The following PLEKHG4 variants were observed in gnomAD, a reference collection of about 807,000 sequenced individuals.
PLEKHG4 encodes pleckstrin homology and RhoGEF domain containing G4.
Under a neutral mutation model 136.9 loss-of-function variants are expected in PLEKHG4, and 85 were observed. The observed-to-expected ratio is 0.62, with a 90% CI of 0.52 to 0.74. The LOEUF (loss-of-function observed/expected upper bound fraction) is 0.74. PLEKHG4 is among the 30% of genes least tolerant of loss of function. The pLI is 0.00. For synonymous variants in PLEKHG4, 577 were observed against 646.9 expected, an observed-to-expected ratio of 0.89 and a Z score of 1.64; for missense variants, 1,317 against 1,527.8, an observed-to-expected ratio of 0.86 and a Z score of 2.30.
rs982629584 is a variant in PLEKHG4 at position 67,288,888 on chromosome 16, G to T, written c.*80G>T. Reference sequence around the variant, plus strand: ...CCTCTCTGGATCTGCTGTGACCAGGGTGTGGCTGACACCTGGGCTACCTCC... The same window carrying T: ...CCTCTCTGGATCTGCTGTGACCAGGTTGTGGCTGACACCTGGGCTACCTCC... On this transcript the variant is annotated 3_prime_UTR_variant, in exon 22 of 22. Transcript: ENST00000379344. 2.0e-6 allele frequency: 3 copies of T among 1,527,592 alleles called. No individual in the cohort carries two copies. The highest frequency in any genetic ancestry group is 2.3e-5 in the East Asian group (1 of 42,832). The allele number at this position is 1,527,592 out of a possible 1,614,324, so 94.6% of individuals were successfully genotyped here.
chr16:67,279,995 C>G lies in PLEKHG4; in HGVS notation c.-50C>G. 1.3e-6 allele frequency: 2 copies of G among 1,591,884 alleles called. No individual in the cohort carries two copies. The highest frequency in any genetic ancestry group is 1.7e-6 in the Non-Finnish European group (2 of 1,167,888). On this transcript the variant is annotated 5_prime_UTR_variant, in exon 2 of 22. Transcript: ENST00000379344. ...GTCTTCAGCGCGGTTCACACTGAGA[C>G]CCAGCCCTCTCCCGCTGGCCCCGAG...
In PLEKHG4 at chr16:67,282,767, G is replaced by GCTGGC. The variant is rs2036294296; in HGVS notation, c.1420_1424dup (p.Ala476GlyfsTer43). On this transcript the variant is annotated frameshift_variant, in exon 11 of 22. Coordinates refer to ENST00000379344, the MANE Select transcript of PLEKHG4 (RefSeq NM_001129729.3). LOFTEE classifies it high-confidence loss of function. ...ATTGAAGTGTGGCTGCAGCAGGTGG[G>GCTGGC]CTGGCCAGCACTGGAGGAGGCTGGG... The GCTGGC allele has an allele frequency of 6.2e-7, 1 of 1,613,398 alleles. No homozygotes were observed. The highest frequency in any genetic ancestry group is 8.5e-7 in the Non-Finnish European group (1 of 1,180,016).
chr16:67,283,605 TG>T (rs1829752593), intron 11 of PLEKHG4, among the ~76,000 whole-genome samples: 1 of 151,792 alleles, frequency 6.6e-6, no homozygotes, highest in South Asian at 2.1e-4. Context: ...GGGACAAGGA[TG>T]TTGCAAGGAT....
In PLEKHG4 at chr16:67,287,888, C is replaced by G; in HGVS notation, c.3104-10C>G. On this transcript the variant is annotated splice_polypyrimidine_tract_variant and intron_variant, in intron 18 of 21. Transcript: ENST00000379344. ...CAGAAGCATCCCACTTATGTCCACT[C>G]TCCACCCAGAGGTGCGCATGGCTGA... is the stretch of plus-strand genomic sequence containing the variant. 1 of 1,582,272 alleles carries G rather than the reference C, an allele frequency of 6.3e-7. No homozygotes were observed. The highest frequency in any genetic ancestry group is 8.7e-7 in the Non-Finnish European group (1 of 1,150,838).
chr16:67,287,767 A>G, intron 18 of PLEKHG4, 131 bp from the exon 19 acceptor site: 2 of 737,718 alleles, frequency 2.7e-6, no homozygotes, highest in East Asian at 2.6e-5. Flanking sequence ...CTGGCACTAG[A>G]AAGGCTCAGC....
rs756196555 is a variant in PLEKHG4 at position 67,285,483 on chromosome 16, C to T, written c.2389C>T (p.Leu797=). 37 of 1,613,428 alleles carry T rather than the reference C, an allele frequency of 2.3e-5. No individual in the cohort carries two copies. The highest frequency in any genetic ancestry group is 1.6e-4 in the Middle Eastern group (1 of 6,084). The change falls in exon 14 of 22, where the codon CTG becomes TTG. Residue 797 remains leucine (L), a synonymous_variant. Coordinates refer to ENST00000379344, the MANE Select transcript of PLEKHG4 (RefSeq NM_001129729.3). ...DFHCHFFLRE[L]EACTRHPPRV... is the part of the protein sequence containing the mutation. ...CCACTGCCACTTCTTCCTGCGTGAG[C>T]TGGAGGCTTGCACCCGGCACCCACC...
In PLEKHG4 at chr16:67,288,332, T is replaced by C. The variant is rs764345352; in HGVS notation, c.3386T>C (p.Leu1129Pro). The C allele has an allele frequency of 2.5e-6, 4 of 1,612,056 alleles. No homozygotes were observed. The highest frequency in any genetic ancestry group is 3.4e-6 in the Non-Finnish European group (4 of 1,180,002). ...DPALLGLRCP[L>P]YPSFPEEAAL... is the part of the protein sequence containing the mutation. ...GCTCTTCTGGGTCTCCGCTGTCCCC[T>C]GTATCCCAGCTTCCCAGAGGAAGCA... The change falls in exon 20 of 22, where the codon CTG becomes CCG. Residue 1129 changes from leucine to proline, a missense_variant. By Grantham distance (98) the Leu-to-Pro change is moderately conservative. Transcript: ENST00000379344.
intron 19 of PLEKHG4, 41 bp from the exon 20 acceptor site, chr16:67,288,126 A>AGGCTCT: frequency 6.4e-7 from 1 of 1,574,666 alleles, no homozygotes; most frequent in Non-Finnish European, 8.7e-7. Context: ...GGGCCAGGCT[A>AGGCTCT]GGCTCTGGCC....
upstream of PLEKHG4, chr16:67,277,754 C>T (rs902520223): frequency 6.6e-6 from 1 of 152,356 alleles, no homozygotes; most frequent in African/African-American, 2.4e-5. Flanking sequence ...GTCAGGCGCC[C>T]CAAAGCATTT....
Position 67,284,887 on chromosome 16 carries a change from C to A in PLEKHG4, c.1867C>A (p.Gln623Lys). ...GGGGCTGGGCTCAGAGGCCATCCGC[C>A]AGGAGTGCCGCTGGGCCTGGGCGCG... ...ATGLGSEAIR[Q>K]ECRWAWARCQ... is the part of the protein sequence containing the mutation. The change falls in exon 13 of 22, where the codon CAG (glutamine) becomes AAG (lysine). Residue 623 changes from glutamine to lysine, a missense_variant. By Grantham distance (53) the Gln-to-Lys change is moderately conservative. Coordinates refer to ENST00000379344, the MANE Select transcript of PLEKHG4 (RefSeq NM_001129729.3). The surrounding 1 kb of genome is among the most constrained non-coding windows in gnomAD (Gnocchi z 4.4). The A allele has an allele frequency of 6.2e-7, 1 of 1,612,758 alleles. No individual in the cohort carries two copies. The highest frequency in any genetic ancestry group is 8.5e-7 in the Non-Finnish European group (1 of 1,179,748).
In PLEKHG4 at chr16:67,284,699, C is replaced by T; in HGVS notation, c.1693-14C>T. On this transcript the variant is annotated splice_polypyrimidine_tract_variant and intron_variant, in intron 12 of 21. Coordinates refer to ENST00000379344, the MANE Select transcript of PLEKHG4 (RefSeq NM_001129729.3). This position sits in a 1 kb window ranked among gnomAD's most constrained non-coding sequence, Gnocchi z 4.4. ...GGATCTTCCTCTAATGCTTGTCCGG[C>T]CCTGGTGTTGCAGGCCTTGACGTGG... 1 of 1,612,986 alleles carries T rather than the reference C, an allele frequency of 6.2e-7. No individual in the cohort carries two copies. Among genetic ancestry groups the T allele is most frequent in the Non-Finnish European group, 8.5e-7 (1 of 1,179,756 alleles).
Position 67,285,271 on chromosome 16 carries a change from G to T in PLEKHG4, c.2196-19G>T. On this transcript the variant is annotated intron_variant, in intron 13 of 21. Transcript: ENST00000379344. ...GTAAAGGAGAGATGTCTTGGGTCCT[G>T]ACTCCCCATACCTGGTAGGCTACAG... The T allele has an allele frequency of 6.2e-7, 1 of 1,613,868 alleles. No homozygotes were observed.
chr16:67,287,045 C>T lies in PLEKHG4; in HGVS notation c.2971C>T (p.Arg991Cys), dbSNP rs777161871. 9.9e-6 allele frequency: 16 copies of T among 1,613,330 alleles called. No individual in the cohort carries two copies. In the South Asian group the frequency reaches 1.1e-4, roughly 11 times the overall value. ...TGAGTGCTGTGGGAACAGCAACCTG[C>T]GCTTCGAGATCTGGTTCCGCCGCCG... ...LTECCGNSNLRFEIWFRRRKA... is the reference protein window; with the variant it reads ...LTECCGNSNLCFEIWFRRRKA... The change falls in exon 18 of 22, where the codon CGC (arginine) becomes TGC (cysteine). Residue 991 changes from arginine to cysteine, a missense_variant. By Grantham distance (180) the Arg-to-Cys change is radical. Transcript: ENST00000379344.
In PLEKHG4 at chr16:67,288,827, A is replaced by G; in HGVS notation, c.*19A>G. ...GGTCTGAGCCCGGGACTGGACGAGC[A>G]GTAGATCCAGCAGCCTGCAGCTCCA... On this transcript the variant is annotated 3_prime_UTR_variant, in exon 22 of 22. Coordinates refer to ENST00000379344, the MANE Select transcript of PLEKHG4 (RefSeq NM_001129729.3). 6.2e-7 allele frequency: 1 copy of G among 1,613,360 alleles called. No individual in the cohort carries two copies. Among genetic ancestry groups the G allele is most frequent in the Non-Finnish European group, 8.5e-7 (1 of 1,179,700 alleles).
intron 1 of PLEKHG4, 41 bp from the exon 2 acceptor site, chr16:67,279,835 C>A: frequency 1.7e-6 from 1 of 593,216 alleles, no homozygotes; most frequent in Non-Finnish European, 3.0e-6. Context: ...GACGGGGGAC[C>A]TGGACAGAGG....
chr16:67,284,653 G>C lies in PLEKHG4; in HGVS notation c.1693-60G>C. The C allele has an allele frequency of 6.3e-7, 1 of 1,590,180 alleles. No individual in the cohort carries two copies. Among genetic ancestry groups the C allele is most frequent in the Non-Finnish European group, 8.6e-7 (1 of 1,165,262 alleles). The stretch of plus-strand genomic sequence containing the variant: ...GGGATGGGGAGTGGGTAGAGGAGCA[G>C]AGTGCCCAGCAGGCTTGGCAGGATC... On this transcript the variant is annotated intron_variant, in intron 12 of 21. Coordinates refer to ENST00000379344, the MANE Select transcript of PLEKHG4 (RefSeq NM_001129729.3). This position sits in a 1 kb window ranked among gnomAD's most constrained non-coding sequence, Gnocchi z 4.4.
In PLEKHG4 at chr16:67,285,396, C is replaced by T; in HGVS notation, c.2302C>T (p.Pro768Ser). 1 of 1,614,222 alleles carries T rather than the reference C, an allele frequency of 6.2e-7. No homozygotes were observed. Among genetic ancestry groups the T allele is most frequent in the Non-Finnish European group, 8.5e-7 (1 of 1,180,036 alleles). The change falls in exon 14 of 22, where the codon CCC becomes TCC. Residue 768 changes from proline to serine, a missense_variant. By Grantham distance (74) the Pro-to-Ser change is moderately conservative. Transcript: ENST00000379344. ...YFPELDRPDV[P>S]QGLRGQRAHL... ...CCCCGAGCTGGATCGCCCCGATGTG[C>T]CCCAGGGCCTCCGCGGTCAGCGTGC...
chr16:67,285,138 G>T lies in PLEKHG4; in HGVS notation c.2118G>T (p.Glu706Asp). 6.2e-7 allele frequency: 1 copy of T among 1,613,470 alleles called. No homozygotes were observed. The highest frequency in any genetic ancestry group is 2.2e-5 in the East Asian group (1 of 44,876). The change falls in exon 13 of 22, where the codon GAG becomes GAT. Residue 706 changes from glutamate to aspartate, a missense_variant. Glu to Asp is a conservative substitution (Grantham distance 45). Coordinates refer to ENST00000379344, the MANE Select transcript of PLEKHG4 (RefSeq NM_001129729.3). Reference sequence around the variant, plus strand: ...CTATTGCTGCCTGCCGCAGACCAGAGGCTGGAGGAGGTGCCCTGCCCCAGG... The same window carrying T: ...CTATTGCTGCCTGCCGCAGACCAGATGCTGGAGGAGGTGCCCTGCCCCAGG... ...AATIAACRRPEAGGGALPQAS... is the reference protein window; with the variant it reads ...AATIAACRRPDAGGGALPQAS...
In PLEKHG4 at chr16:67,288,328, C is replaced by T; in HGVS notation, c.3382C>T (p.Pro1128Ser). The change falls in exon 20 of 22, where the codon CCC becomes TCC. Residue 1128 changes from proline to serine, a missense_variant. Coordinates refer to ENST00000379344, the MANE Select transcript of PLEKHG4 (RefSeq NM_001129729.3). ...CCCAGCTCTTCTGGGTCTCCGCTGT[C>T]CCCTGTATCCCAGCTTCCCAGAGGA... ...RDPALLGLRCPLYPSFPEEAA... is the reference protein window; with the variant it reads ...RDPALLGLRCSLYPSFPEEAA... The T allele has an allele frequency of 5.6e-6, 9 of 1,612,226 alleles. No individual in the cohort carries two copies. The highest frequency in any genetic ancestry group is 7.6e-6 in the Non-Finnish European group (9 of 1,180,004).
Sources: allele counts gnomAD v4.1 joint callset (sites outside exome capture counted in the v4.1 genomes callset), GRCh38; gene constraint gnomAD v4.1.1; non-coding constraint Gnocchi (gnomAD v3.1); transcripts MANE v1.5; gene names NCBI Gene and HGNC (gene_info 2026-07-23, HGNC 2026-07-21).